Variants in RARB observed in about 807,000 individuals in gnomAD.
The protein encoded by RARB is HBV-activated protein.
RARB carries 17 observed loss-of-function variants against 51.9 expected under a neutral mutation model. The ratio of observed to expected loss-of-function variants is 0.33; its 90% confidence interval spans 0.22 to 0.49. The LOEUF is 0.49. Among genes scored for constraint, RARB ranks in the 20% least tolerant of loss-of-function variants. The pLI, the probability that RARB is intolerant of heterozygous loss-of-function variation, is 0.99. For missense variants in RARB, 369 were observed against 550.8 expected, an observed-to-expected ratio of 0.67 and a Z score of 3.30; for synonymous variants, 215 against 195.4, an observed-to-expected ratio of 1.10 and a Z score of -0.84.
At chr3:24,966,020 C>T (rs1249166812) in intron 2 of RARB, among the ~76,000 whole-genome samples, 2 of 151,942 alleles carry the variant, frequency 1.3e-5, no homozygotes, top group Admixed American at 1.3e-4. Context: ...GCCTGGTTAG[C>T]CTTATTAAAG....
chr3:25,211,751 A>C (rs1028459444), intron 5 of RARB, among the ~76,000 whole-genome samples: 2 of 152,230 alleles, frequency 1.3e-5, no homozygotes, highest in Non-Finnish European at 1.5e-5. Context: ...AAGCAGCCAT[A>C]AACAATATAT....
At chr3:25,437,119 T>TA (rs1478310293) in intron 1 of RARB, among the ~76,000 whole-genome samples, 1 of 99,588 alleles carries the variant, frequency 1.0e-5, no homozygotes, top group Admixed American at 9.5e-5. Context: ...AAAGCAAACT[T>TA]TTTTTTTTTT....
At chr3:25,081,095 G>A (rs1587429) in intron 3 of RARB, among the ~76,000 whole-genome samples, 135,091 of 152,110 alleles carry the variant, frequency 0.89, 60,333 homozygotes, top group African/African-American at 0.98. Flanking sequence ...CATTAGACCA[G>A]TTTTCCTATG....
At chr3:25,520,683 C>G (rs748139357) in intron 3 of RARB, among the ~76,000 whole-genome samples, 5 of 152,144 alleles carry the variant, frequency 3.3e-5, no homozygotes, top group Non-Finnish European at 5.9e-5. Flanking sequence ...AGCGTTGGAA[C>G]AGGTAAACTC....
At chr3:25,172,110 G>T (rs1196171758) in intron 4 of RARB, among the ~76,000 whole-genome samples, 1 of 152,158 alleles carries the variant, frequency 6.6e-6, no homozygotes, top group Non-Finnish European at 1.5e-5. Context: ...GTACTAGGGG[G>T]CCTGGGACCA....
At chr3:24,845,739 C>A (rs901456853) in intron 1 of RARB, among the ~76,000 whole-genome samples, 2 of 151,860 alleles carry the variant, frequency 1.3e-5, no homozygotes, top group Non-Finnish European at 1.5e-5. Flanking sequence ...AGAGTCAGTT[C>A]TCTGCAGCAG....
In RARB at chr3:25,071,817, C is replaced by T. The variant is rs562453772; in HGVS notation, c.-328+11641C>T. 7.2e-5 allele frequency among the ~76,000 whole-genome samples: 11 copies of T among 152,250 alleles called. No individual in the cohort carries two copies. The Middle Eastern group carries it at 0.01, about 141-fold the overall frequency. On this transcript the variant is annotated intron_variant, in intron 3 of 11. Transcript: ENST00000383772. ...GTAAGTAGTAGGACAGTTGAACATG[C>T]CCAGTGTGCTAATATTATTGTCATG...
intron 5 of RARB, among the ~76,000 whole-genome samples, chr3:25,343,084 C>T (rs572002600): frequency 1.6e-5 from 2 of 127,730 alleles, no homozygotes; most frequent in South Asian, 4.8e-4. Context: ...AATGCTGAGG[C>T]AGTAGTTAGA....
At chr3:25,062,975 C>T (rs1289414235) in intron 3 of RARB, among the ~76,000 whole-genome samples, 2 of 151,894 alleles carry the variant, frequency 1.3e-5, no homozygotes, top group African/African-American at 4.8e-5. Flanking sequence ...CTAGGAACGA[C>T]AAAACTTGAG....
chr3:25,358,551 C>G lies in RARB; in HGVS notation c.179-102642C>G, dbSNP rs144222589. On this transcript the variant is annotated intron_variant, in intron 5 of 11. Transcript: ENST00000383772. ...GAGTGGTGAGAGAGGACATTCTTGTCTTGTGCTGGTTTGCAAAGGGAATCC... is the reference window on the plus strand; with the variant it reads ...GAGTGGTGAGAGAGGACATTCTTGTGTTGTGCTGGTTTGCAAAGGGAATCC... 1.8e-4 allele frequency among the ~76,000 whole-genome samples: 27 copies of G among 152,258 alleles called. No homozygotes were observed. The East Asian group carries it at 3.3e-3, about 19-fold the overall frequency.
chr3:25,418,134 A>T (rs1394811858), intron 5 of RARB, among the ~76,000 whole-genome samples: 1 of 152,226 alleles, frequency 6.6e-6, no homozygotes, highest in African/African-American at 2.4e-5. Context: ...GGCCACACCT[A>T]GCTGCGAAGG....
At position 24,875,266 on chromosome 3, in the gene RARB, A is replaced by T. The variant is rs375327526; in HGVS notation, c.-380+16514A>T. On this transcript the variant is annotated intron_variant, in intron 2 of 11. Coordinates refer to the RARB transcript ENST00000383772. ...GCCGAAGTTGATACTATATCTAGGA[A>T]ATCTCTGCTGTATTCAGGCTTAAAT... 4.8e-4 allele frequency among the ~76,000 whole-genome samples: 73 copies of T among 152,280 alleles called. No individual in the cohort carries two copies. The South Asian group carries it at 0.014, about 30-fold the overall frequency.
chr3:24,992,293 G>C (rs2125435526), intron 2 of RARB, among the ~76,000 whole-genome samples: 1 of 152,182 alleles, frequency 6.6e-6, no homozygotes, highest in South Asian at 2.1e-4. Flanking sequence ...TTTGACATAT[G>C]TTTCTTTTCT....
chr3:25,369,188 T>C (rs1205075736), intron 5 of RARB, among the ~76,000 whole-genome samples: 2 of 152,220 alleles, frequency 1.3e-5, no homozygotes, highest in Admixed American at 6.5e-5. Flanking sequence ...AGTTATAGTG[T>C]TGAAAATGTT....
At chr3:25,160,903 A>C (rs1396950338) in intron 4 of RARB, among the ~76,000 whole-genome samples, 1 of 151,894 alleles carries the variant, frequency 6.6e-6, no homozygotes, top group East Asian at 1.9e-4. Flanking sequence ...TGCTTCCATC[A>C]CATCACCTTC....
chr3:25,194,479 G>T (rs1054728481), intron 5 of RARB, among the ~76,000 whole-genome samples: 1 of 147,880 alleles, frequency 6.8e-6, no homozygotes, highest in Non-Finnish European at 1.5e-5. Context: ...ACAGTAGTGT[G>T]TATATATATA....
At chr3:25,421,403 C>CT (rs766378555) in intron 5 of RARB, among the ~76,000 whole-genome samples, 3,376 of 72,388 alleles carry the variant, frequency 0.047, 611 homozygotes, top group African/African-American at 0.15. Flanking sequence ...TTCTTCTTTT[C>CT]TTTTTTTTTT....
rs548399674 is a variant in RARB, at chr3:25,067,832, A to T, written c.-328+7656A>T. Among the ~76,000 whole-genome samples the T allele has an allele frequency of 3.9e-5, 6 of 152,174 alleles. 1 individual carries two copies. Among genetic ancestry groups the T allele is most frequent in the African/African-American group, 1.4e-4 (6 of 41,522 alleles). On this transcript the variant is annotated intron_variant, in intron 3 of 11. Transcript: ENST00000383772. ...TTTGGCTAGAAACAAATTAACTCCT[A>T]TTCTTCTAGGAAATTAAATCTTGGC...
chr3:25,140,486 C>T (rs1026341376), intron 4 of RARB, among the ~76,000 whole-genome samples: 20 of 152,116 alleles, frequency 1.3e-4, no homozygotes, highest in African/African-American at 4.6e-4. Context: ...TGGGTTGCTA[C>T]GGTCTCAAGA....
Sources: allele counts gnomAD v4.1 joint callset (sites outside exome capture counted in the v4.1 genomes callset), GRCh38; gene constraint gnomAD v4.1.1; transcripts MANE v1.5; gene names NCBI Gene and HGNC (gene_info 2026-07-23, HGNC 2026-07-21).